CLDN10: variants seen among roughly 807,000 people sequenced by gnomAD.
CLDN10 encodes claudin-10.
A neutral mutation model predicts 22.9 loss-of-function variants in CLDN10; 15 were observed. The observed-to-expected ratio is 0.65, with a 90% confidence interval of 0.44 to 1.01. The LOEUF is 1.01. Among genes scored for constraint, CLDN10 ranks in the 50% least tolerant of loss-of-function variants. The probability of loss-of-function intolerance (pLI) is 0.00; values close to 1 mark genes in which losing one functional copy is unlikely to be tolerated. For synonymous variants in CLDN10, 114 were observed against 111.4 expected, an observed-to-expected ratio of 1.02 and a Z score of -0.15; for missense variants, 247 against 287.8, an observed-to-expected ratio of 0.86 and a Z score of 1.03.
At chr13:95,474,519 C>T (rs2042666300) in intron 1 of CLDN10, among the ~76,000 whole-genome samples, 1 of 152,188 alleles carries the variant, frequency 6.6e-6, no homozygotes, top group Admixed American at 6.5e-5. Flanking sequence ...TTAGAGGAGG[C>T]TGCTATGAGC....
chr13:95,515,100 G>A (rs1265217194), intron 1 of CLDN10, among the ~76,000 whole-genome samples: 1 of 152,142 alleles, frequency 6.6e-6, no homozygotes, highest in Non-Finnish European at 1.5e-5. Flanking sequence ...TGAACTGCTG[G>A]GCTCAAGCAA....
chr13:95,533,203 T>C (rs2043364093), intron 1 of CLDN10, among the ~76,000 whole-genome samples: 1 of 136,374 alleles, frequency 7.3e-6, no homozygotes, highest in Non-Finnish European at 1.6e-5. Context: ...GCAATTTATT[T>C]TTAAATATTC....
At chr13:95,518,301 C>A (rs1466256912) in intron 1 of CLDN10, among the ~76,000 whole-genome samples, 1 of 152,188 alleles carries the variant, frequency 6.6e-6, no homozygotes, top group South Asian at 2.1e-4. Flanking sequence ...CAAGATGTTA[C>A]TCAAACTGTT....
At chr13:95,495,043 A>ATTTT (rs1555292567) in intron 1 of CLDN10, among the ~76,000 whole-genome samples, 5 of 146,182 alleles carry the variant, frequency 3.4e-5, no homozygotes, top group Admixed American at 2.1e-4. Flanking sequence ...TAATTAATTA[A>ATTTT]TTTTTTTTTT....
rs770155952 is a variant in CLDN10, at chr13:95,552,728, G to C, written c.-26G>C. ...GTCGCGGCGCAGAGTGGGAGCCGGA[G>C]AGCGAGCGCGGCTGCAGCCGGCGGC... On this transcript the variant is annotated 5_prime_UTR_variant, in exon 1 of 5. Coordinates refer to ENST00000299339, the MANE Select transcript of CLDN10 (RefSeq NM_006984.5). 1.2e-5 allele frequency: 19 copies of C among 1,597,790 alleles called. No individual in the cohort carries two copies. The highest frequency in any genetic ancestry group is 1.5e-5 in the Non-Finnish European group (18 of 1,172,904).
At chr13:95,462,192 T>A (rs1404867086) in intron 1 of CLDN10, among the ~76,000 whole-genome samples, 7 of 152,216 alleles carry the variant, frequency 4.6e-5, no homozygotes, top group Non-Finnish European at 5.9e-5. Flanking sequence ...AATACCTCAC[T>A]GAGTCCTGCA....
chr13:95,560,765 G>T, intron 3 of CLDN10: 1 of 293,330 alleles, frequency 3.4e-6, no homozygotes, highest in African/African-American at 2.2e-5. Flanking sequence ...AAACGTGAAA[G>T]GTGTCAGACG....
chr13:95,469,938 C>G (rs2042614583), intron 1 of CLDN10, among the ~76,000 whole-genome samples: 1 of 152,152 alleles, frequency 6.6e-6, no homozygotes, highest in Non-Finnish European at 1.5e-5. Context: ...ACATTTAAGA[C>G]AATCTTCTCA....
chr13:95,541,707 G>A (rs1187205206), intron 1 of CLDN10, among the ~76,000 whole-genome samples: 1 of 152,066 alleles, frequency 6.6e-6, no homozygotes, highest in East Asian at 1.9e-4. Context: ...AAATGTAAAT[G>A]AACAGCAAGG....
intron 1 of CLDN10, among the ~76,000 whole-genome samples, chr13:95,458,941 G>A (rs892625550): frequency 6.6e-6 from 1 of 152,214 alleles, no homozygotes; most frequent in Non-Finnish European, 1.5e-5. Context: ...TGCAATGGGA[G>A]TACAGCACTG....
intron 1 of CLDN10, among the ~76,000 whole-genome samples, chr13:95,557,526 C>T (rs1014946054): frequency 1.3e-5 from 2 of 152,154 alleles, no homozygotes; most frequent in Non-Finnish European, 2.9e-5. Context: ...TCTTTGCTCT[C>T]CATTTCAGAA....
chr13:95,519,985 TTC>T (rs2043208052), intron 1 of CLDN10, among the ~76,000 whole-genome samples: 2 of 150,480 alleles, frequency 1.3e-5, no homozygotes, highest in East Asian at 1.9e-4. Context: ...AATCAAAACT[TTC>T]TGTTTTTCTT....
intron 1 of CLDN10, among the ~76,000 whole-genome samples, chr13:95,522,558 A>G (rs2043234148): frequency 6.6e-6 from 1 of 151,962 alleles, no homozygotes; most frequent in Non-Finnish European, 1.5e-5. Context: ...TCAAAATGTG[A>G]TTCTTGGGTG....
At chr13:95,469,576 A>G (rs956051867) in intron 1 of CLDN10, among the ~76,000 whole-genome samples, 1 of 152,206 alleles carries the variant, frequency 6.6e-6, no homozygotes, top group Non-Finnish European at 1.5e-5. Context: ...GTGTCTAGCA[A>G]CTTACCTAAG....
intron 1 of CLDN10, among the ~76,000 whole-genome samples, chr13:95,515,087 C>A (rs1044267500): frequency 4.6e-5 from 7 of 152,176 alleles, no homozygotes; most frequent in Non-Finnish European, 5.9e-5. Context: ...CACACTATAG[C>A]CTTGAACTGC....
At chr13:95,520,301 G>A (rs948834353) in intron 1 of CLDN10, among the ~76,000 whole-genome samples, 1 of 152,260 alleles carries the variant, frequency 6.6e-6, no homozygotes, top group Admixed American at 6.5e-5. Context: ...ATTCTGCATA[G>A]AGATCTCAAA....
At chr13:95,556,163 A>G (rs998066201) in intron 1 of CLDN10, among the ~76,000 whole-genome samples, 1 of 151,928 alleles carries the variant, frequency 6.6e-6, no homozygotes, top group Admixed American at 6.6e-5. Flanking sequence ...CTCCTGCCTC[A>G]GCCTCCTGAG....
intron 1 of CLDN10, among the ~76,000 whole-genome samples, chr13:95,498,095 CAG>C (rs1261229936): frequency 1.3e-5 from 2 of 152,186 alleles, no homozygotes; most frequent in African/African-American, 2.4e-5. Flanking sequence ...CAGGAGCATT[CAG>C]AGTTATGGAT....
At chr13:95,577,609 TG>T (rs2043954311) in intron 4 of CLDN10, among the ~76,000 whole-genome samples, 1 of 152,208 alleles carries the variant, frequency 6.6e-6, no homozygotes, top group African/African-American at 2.4e-5. Flanking sequence ...GGAATGTTGA[TG>T]GCCTCTACTA....
Sources: gnomAD v4.1 joint callset for allele counts (sites outside exome capture counted in the v4.1 genomes callset) on GRCh38, gnomAD v4.1.1 for gene constraint, MANE v1.5 for transcripts, NCBI Gene and HGNC (gene_info 2026-07-23, HGNC 2026-07-21) for gene names.